Variants in KYNU observed in about 807,000 individuals in gnomAD.
The protein encoded by KYNU is L-kynurenine hydrolase.
A neutral mutation model predicts 59.2 loss-of-function variants in KYNU; 54 were observed. The observed-to-expected ratio is 0.91, with a 90% CI of 0.73 to 1.14. The LOEUF is 1.14. Ranked by LOEUF, KYNU falls within the 50% of genes most tolerant of loss-of-function variation. The pLI is 0.00. For missense variants in KYNU, 567 were observed against 554.4 expected (o/e 1.02, Z -0.23); for synonymous variants, 177 against 192.0 (o/e 0.92, Z 0.65).
At chr2:142,901,806 A>T (rs1682098777) in intron 2 of KYNU, among the ~76,000 whole-genome samples, 3 of 152,128 alleles carry the variant, frequency 2.0e-5, no homozygotes, top group Admixed American at 2.0e-4. Flanking sequence ...TGACCACTGC[A>T]TACCTCGCTT....
rs1687278885 is a variant in KYNU, at chr2:143,052,227, C to T, written c.*10055C>T. On this transcript the variant is annotated 3_prime_UTR_variant, in exon 14 of 14. Transcript: ENST00000264170. ...ATGCAGCAAAGCATTCAAGAGGTGA[C>T]TTGGTTGCTATTAAAGGCATTCAGT... 6.6e-6 allele frequency: 1 copy of T among 152,420 alleles called. No individual in the cohort carries two copies. The highest frequency in any genetic ancestry group is 2.1e-4 in the South Asian group (1 of 4,826). 9.4% of individuals were successfully genotyped at this position (152,420 alleles called of 1,614,324 possible).
chr2:142,974,092 A>T (rs34891373), intron 8 of KYNU, among the ~76,000 whole-genome samples: 12,337 of 152,260 alleles, frequency 0.081, 681 homozygotes, highest in East Asian at 0.21. Flanking sequence ...CCCATAGTCA[A>T]CCAAAAAGTA....
intron 10 of KYNU, among the ~76,000 whole-genome samples, chr2:143,005,194 G>T (rs1463060458): frequency 6.6e-6 from 1 of 152,172 alleles, no homozygotes; most frequent in Non-Finnish European, 1.5e-5. Context: ...ATACTATGAT[G>T]AGACTGCAGT....
Position 143,007,295 on chromosome 2 carries a change from G to A in KYNU, c.902+21274G>A, listed in dbSNP as rs912743074. Among the ~76,000 whole-genome samples, 9 of 150,212 alleles carry A rather than the reference G, an allele frequency of 6.0e-5. 1 individual carries two copies. Among genetic ancestry groups the A allele is most frequent in the African/African-American group, 2.3e-4 (9 of 39,768 alleles). ...CAGGAACCGGTGCGATCAACTGGAA[G>A]AAAGGGTATCAGCGATGGAAGATGA... On this transcript the variant is annotated intron_variant, in intron 10 of 13. Transcript: ENST00000264170.
chr2:142,987,993 G>A (rs1477527071), intron 10 of KYNU, among the ~76,000 whole-genome samples: 1 of 151,796 alleles, frequency 6.6e-6, no homozygotes, highest in Non-Finnish European at 1.5e-5. Flanking sequence ...AGTTTCCTGA[G>A]GCCTTCCCAG....
chr2:143,003,661 T>C (rs1273813986), intron 10 of KYNU, among the ~76,000 whole-genome samples: 1 of 152,184 alleles, frequency 6.6e-6, no homozygotes. Context: ...TCATTAATTT[T>C]GCTTGTCTAC....
intron 10 of KYNU, among the ~76,000 whole-genome samples, chr2:143,026,806 T>A (rs1208968536): frequency 6.6e-6 from 1 of 152,234 alleles, no homozygotes; most frequent in Non-Finnish European, 1.5e-5. Flanking sequence ...ACTTTTCACA[T>A]GAGGCGGCTG....
At chr2:142,975,358 C>G (rs750047166) in intron 8 of KYNU, among the ~76,000 whole-genome samples, 1 of 152,160 alleles carries the variant, frequency 6.6e-6, no homozygotes, top group African/African-American at 2.4e-5. Context: ...GTTCCTCATC[C>G]CACTGAGATC....
chr2:143,028,714 G>A (rs1686651989), intron 10 of KYNU, among the ~76,000 whole-genome samples: 1 of 151,938 alleles, frequency 6.6e-6, no homozygotes, highest in African/African-American at 2.4e-5. Context: ...CGGGCGTGGT[G>A]GCACATGCCT....
At position 142,988,904 on chromosome 2, in the gene KYNU, G is replaced by A. The variant is rs529003443; in HGVS notation, c.902+2883G>A. 212 of 1,603,982 alleles carry A rather than the reference G, an allele frequency of 1.3e-4. 2 individuals carry two copies. The East Asian group carries it at 4.4e-3, about 33-fold the overall frequency. The stretch of plus-strand genomic sequence containing the variant: ...ACAGATTTGGACAAGTCAAGGACAA[G>A]GTATTTTCCAGTCATCACTTCATTG... On this transcript the variant is annotated intron_variant, in intron 10 of 13. Coordinates refer to ENST00000264170, the MANE Select transcript of KYNU (RefSeq NM_003937.3).
At chr2:142,974,154 C>T (rs1319177685) in intron 8 of KYNU, among the ~76,000 whole-genome samples, 1 of 152,172 alleles carries the variant, frequency 6.6e-6, no homozygotes, top group Non-Finnish European at 1.5e-5. Flanking sequence ...AGGATAAGTA[C>T]ATGCCCAGAA....
At chr2:142,999,764 A>C (rs1360465835) in intron 10 of KYNU, among the ~76,000 whole-genome samples, 1 of 152,168 alleles carries the variant, frequency 6.6e-6, no homozygotes, top group Non-Finnish European at 1.5e-5. Context: ...CATACATCAT[A>C]GAAGAGAGCC....
At chr2:143,030,683 T>G (rs1373460462) in intron 11 of KYNU, among the ~76,000 whole-genome samples, 3 of 151,982 alleles carry the variant, frequency 2.0e-5, no homozygotes, top group Non-Finnish European at 4.4e-5. Flanking sequence ...TTAGTGGAGA[T>G]GAGGTCTTGC....
chr2:142,973,675 T>C (rs6710765), intron 8 of KYNU, among the ~76,000 whole-genome samples: 76,434 of 151,946 alleles, frequency 0.5, 20,281 homozygotes, highest in East Asian at 0.74. Flanking sequence ...TACTCATCCC[T>C]CGCTCCCATT....
At chr2:142,988,939 G>A in intron 10 of KYNU, 1 of 1,502,856 alleles carries the variant, frequency 6.7e-7, no homozygotes, top group Non-Finnish European at 9.2e-7. Flanking sequence ...GTCCCTGATA[G>A]GAAAAGAAAT....
At chr2:142,930,550 A>T (rs1332191621) in intron 4 of KYNU, among the ~76,000 whole-genome samples, 1 of 152,176 alleles carries the variant, frequency 6.6e-6, no homozygotes, top group Admixed American at 6.5e-5. Flanking sequence ...GTTGGTTTCT[A>T]GTAAGGGTTC....
chr2:142,925,490 G>C (rs572407031), intron 3 of KYNU, among the ~76,000 whole-genome samples: 2 of 152,206 alleles, frequency 1.3e-5, no homozygotes, highest in African/African-American at 4.8e-5. Context: ...TCAGAAACAG[G>C]GTACTATGTA....
chr2:142,951,306 C>T lies in KYNU; in HGVS notation c.374-3504C>T, dbSNP rs368552533. 1.2e-3 allele frequency among the ~76,000 whole-genome samples: 183 copies of T among 152,294 alleles called. 7 individuals are homozygous for T. In the South Asian group the frequency reaches 0.031, roughly 26 times the overall value. On this transcript the variant is annotated intron_variant, in intron 4 of 13. Coordinates refer to ENST00000264170, the MANE Select transcript of KYNU (RefSeq NM_003937.3). ...TGGTGGCCTATGCCTGTAATCCCTTCAGCACTTTGGGAGGCCAAGGCAGGA... is the reference window on the plus strand; with the variant it reads ...TGGTGGCCTATGCCTGTAATCCCTTTAGCACTTTGGGAGGCCAAGGCAGGA...
At chr2:142,988,956 C>A in intron 10 of KYNU, 1 of 1,388,232 alleles carries the variant, frequency 7.2e-7, no homozygotes, top group Non-Finnish European at 1.0e-6. Flanking sequence ...AAATGTTTTG[C>A]TGAAACTTAA....
Sources: gnomAD v4.1 joint callset for allele counts (sites outside exome capture counted in the v4.1 genomes callset) on GRCh38, gnomAD v4.1.1 for gene constraint, MANE v1.5 for transcripts, NCBI Gene and HGNC (gene_info 2026-07-23, HGNC 2026-07-21) for gene names.